Variants in UBA3 observed in about 807,000 individuals in gnomAD.
The protein encoded by UBA3 is ubiquitin like modifier activating enzyme 3, also known as NEDD8-activating enzyme E1 catalytic subunit.
UBA3 carries 26 observed loss-of-function variants against 73.5 expected under a neutral mutation model. That is an observed-to-expected ratio of 0.35 (90% confidence interval 0.26 to 0.49). UBA3 has a LOEUF of 0.49. Ranked by LOEUF, UBA3 falls within the 20% of genes least tolerant of loss-of-function variation. UBA3 has a pLI of 0.98. For missense variants in UBA3, 495 were observed against 555.6 expected, an observed-to-expected ratio of 0.89 and a Z score of 1.10; for synonymous variants, 217 against 191.2, an observed-to-expected ratio of 1.13 and a Z score of -1.11.
chr3:69,066,924 G>T (rs1292951196), intron 6 of UBA3, among the ~76,000 whole-genome samples: 2 of 152,100 alleles, frequency 1.3e-5, no homozygotes, highest in Non-Finnish European at 2.9e-5. Context: ...GCTATTTCTG[G>T]CTTCCCTATT....
At chr3:69,056,086 A>C (rs1353657295) in intron 15 of UBA3, 23 bp from the exon 16 acceptor site, 13 of 1,578,354 alleles carry the variant, frequency 8.2e-6, no homozygotes, top group Non-Finnish European at 1.1e-5. Context: ...ATGAGAGAGA[A>C]GTATCAAACA....
chr3:69,079,984 G>C (rs1331857513), intron 2 of UBA3, 128 bp downstream of exon 2: 1 of 826,828 alleles, frequency 1.2e-6, no homozygotes, highest in African/African-American at 1.8e-5. Flanking sequence ...AGGGGATGAG[G>C]CAGCGCGGCC....
intron 11 of UBA3, among the ~76,000 whole-genome samples, chr3:69,059,407 G>C (rs981299654): frequency 2.0e-5 from 3 of 152,168 alleles, no homozygotes; most frequent in Non-Finnish European, 4.4e-5. Context: ...TTGCATAGGA[G>C]AATGAGGCTA....
intron 4 of UBA3, among the ~76,000 whole-genome samples, chr3:69,072,616 T>C (rs1218700946): frequency 6.6e-6 from 1 of 152,214 alleles, no homozygotes; most frequent in Non-Finnish European, 1.5e-5. Context: ...TGGTTTCCAG[T>C]TCATTCAGTT....
rs548748354 is a variant in UBA3, at chr3:69,054,967, T to G, written c.*470A>C. ...AATTCTGCAATAATATTCATTTGGA[T>G]GGCCACAATTAAATGAGTGTTATAT... is the stretch of plus-strand genomic sequence containing the variant. On this transcript the variant is annotated 3_prime_UTR_variant, in exon 18 of 18. Coordinates refer to ENST00000361055, the MANE Select transcript of UBA3 (RefSeq NM_003968.4). 5.2e-5 allele frequency: 8 copies of G among 152,452 alleles called. No homozygotes were observed. The highest frequency in any genetic ancestry group is 2.0e-4 in the Admixed American group (3 of 15,298). 9.4% of individuals were successfully genotyped at this position (152,452 alleles called of 1,614,324 possible).
At chr3:69,056,722 TA>T in intron 13 of UBA3, 29 bp from the exon 14 acceptor site, 1 of 1,609,014 alleles carries the variant, frequency 6.2e-7, no homozygotes. Context: ...CATCTTTATA[TA>T]ATTAAACCAA....
intron 2 of UBA3, among the ~76,000 whole-genome samples, chr3:69,079,484 C>T (rs1220395123): frequency 2.6e-5 from 4 of 152,108 alleles, no homozygotes; most frequent in Non-Finnish European, 4.4e-5. Context: ...AATTATGTGG[C>T]GCTGGCCAGG....
chr3:69,065,360 C>A (rs2092061238), intron 6 of UBA3, among the ~76,000 whole-genome samples: 1 of 152,072 alleles, frequency 6.6e-6, no homozygotes, highest in Non-Finnish European at 1.5e-5. Flanking sequence ...GTACCATGCA[C>A]CTTTCCCAGT....
intron 5 of UBA3, among the ~76,000 whole-genome samples, chr3:69,068,220 A>G (rs1207493036): frequency 2.0e-5 from 3 of 152,206 alleles, no homozygotes; most frequent in East Asian, 1.9e-4. Context: ...CCAAATTAAC[A>G]TAAGTCTAAT....
intron 6 of UBA3, among the ~76,000 whole-genome samples, chr3:69,067,629 G>C (rs1459262942): frequency 6.6e-6 from 1 of 152,112 alleles, no homozygotes; most frequent in African/African-American, 2.4e-5. Context: ...TTACACTCTA[G>C]TAAAGGAGAT....
intron 6 of UBA3, among the ~76,000 whole-genome samples, chr3:69,066,905 T>C (rs1004712933): frequency 1.3e-5 from 2 of 152,226 alleles, no homozygotes; most frequent in Admixed American, 1.3e-4. Flanking sequence ...TTGGCCATAC[T>C]TATATGGGGC....
chr3:69,055,756 G>A, intron 17 of UBA3, 95 bp downstream of exon 17: 3 of 1,195,046 alleles, frequency 2.5e-6, no homozygotes, highest in Non-Finnish European at 3.6e-6. Flanking sequence ...CCATATACAA[G>A]GCATTAAGAG....
chr3:69,061,171 T>C (rs1348360523), intron 11 of UBA3, among the ~76,000 whole-genome samples: 2 of 152,238 alleles, frequency 1.3e-5, no homozygotes, highest in Non-Finnish European at 2.9e-5. Flanking sequence ...TATACAGTAC[T>C]GGGACAACAG....
chr3:69,056,262 G>C lies in UBA3; in HGVS notation c.1105C>G (p.Gln369Glu), dbSNP rs772890048. Residue 369 changes from glutamine to glutamate, a missense_variant, in exon 15 of 18, where the codon CAG becomes GAG. By Grantham distance (29) the Gln-to-Glu change is conservative. Coordinates refer to ENST00000361055, the MANE Select transcript of UBA3 (RefSeq NM_003968.4). ...ERKENCPACS[Q>E]LPQNIQFSPS... is the part of the protein sequence containing the mutation. ...GAAAACTGAATATTTTGAGGAAGCT[G>C]GCTACAAGCTGGGCAGTTTTCCTAC... The C allele has an allele frequency of 1.2e-6, 2 of 1,601,954 alleles. No individual in the cohort carries two copies. The highest frequency in any genetic ancestry group is 1.7e-6 in the Non-Finnish European group (2 of 1,176,632).
In UBA3 at chr3:69,077,807, C is replaced by G. The variant is rs763845253; in HGVS notation, c.174G>C (p.Pro58=). ...AATAAACGTTTCTCACTTCAGTGCT[C>G]GGTTCGAAATCAGGGTGTGTGAAGG... is the stretch of plus-strand genomic sequence containing the variant. ...SGPFTHPDFE[P]STESLQFLLD... Residue 58 remains proline (P), a synonymous_variant, in exon 3 of 18, where the codon CCG becomes CCC. Transcript: ENST00000361055. The G allele has an allele frequency of 1.2e-6, 2 of 1,612,508 alleles. No individual in the cohort carries two copies. Among genetic ancestry groups the G allele is most frequent in the African/African-American group, 1.3e-5 (1 of 74,874 alleles).
In UBA3 at chr3:69,056,269, A is replaced by G; in HGVS notation, c.1098T>C (p.Ala366=). The G allele has an allele frequency of 6.3e-7, 1 of 1,599,894 alleles. No individual in the cohort carries two copies. Among genetic ancestry groups the G allele is most frequent in the Non-Finnish European group, 8.5e-7 (1 of 1,176,156 alleles). ...GAATATTTTGAGGAAGCTGGCTACA[A>G]GCTGGGCAGTTTTCCTACACACATA... ...FEAERKENCP[A]CSQLPQNIQF... Residue 366 remains alanine, a synonymous_variant, in exon 15 of 18, where the codon GCT becomes GCC. Coordinates refer to ENST00000361055, the MANE Select transcript of UBA3 (RefSeq NM_003968.4).
At chr3:69,080,036 C>T in intron 2 of UBA3, 76 bp downstream of exon 2, 6 of 1,401,444 alleles carry the variant, frequency 4.3e-6, no homozygotes, top group Non-Finnish European at 5.9e-6. Context: ...GGGCCCGCTG[C>T]GGCTGGTCCC....
In UBA3 at chr3:69,055,355, G is replaced by A; in HGVS notation, c.*82C>T. Reference sequence around the variant, plus strand: ...AAAGACAAATCGTGGCAACACTATTGCTAAAAATGACATCGATTCAACTTC... The same window carrying A: ...AAAGACAAATCGTGGCAACACTATTACTAAAAATGACATCGATTCAACTTC... On this transcript the variant is annotated 3_prime_UTR_variant, in exon 18 of 18. Transcript: ENST00000361055. 1 of 918,382 alleles carries A rather than the reference G, an allele frequency of 1.1e-6. No individual in the cohort carries two copies. The highest frequency in any genetic ancestry group is 1.6e-6 in the Non-Finnish European group (1 of 639,224). The allele number at this position is 918,382 out of a possible 1,614,324, so 56.9% of individuals were successfully genotyped here.
In UBA3 at chr3:69,061,933, T is replaced by TA. The variant is rs539744043; in HGVS notation, c.797-7dup. ...TCCATCTAATGGAACCCCTTCTGTT[T>TA]AAAAAAAAAAAGGGAGAGAGAGAGA... is the stretch of plus-strand genomic sequence containing the variant. On this transcript the variant is annotated splice_region_variant and splice_polypyrimidine_tract_variant and intron_variant, in intron 10 of 17. Transcript: ENST00000361055. 14,782 of 1,251,306 alleles carry TA rather than the reference T, an allele frequency of 0.012. 2 individuals are homozygous for TA. The highest frequency in any genetic ancestry group is 0.02 in the South Asian group (1,290 of 63,236). 77.5% of individuals were successfully genotyped at this position (1,251,306 alleles called of 1,614,324 possible). A position where few individuals can be genotyped will look rare whatever the true frequency, so the allele number is the denominator to read the frequency against.
Sources: allele counts gnomAD v4.1 joint callset (sites outside exome capture counted in the v4.1 genomes callset), GRCh38; gene constraint gnomAD v4.1.1; transcripts MANE v1.5; gene names NCBI Gene and HGNC (gene_info 2026-07-23, HGNC 2026-07-21).